Variants in C1orf21 observed in about 807,000 individuals in gnomAD.
The protein encoded by C1orf21 is uncharacterized protein C1orf21.
C1orf21 carries 3 observed loss-of-function variants against 18.7 expected under a neutral mutation model. That is an observed-to-expected ratio of 0.16 (90% CI 0.07 to 0.42). The LOEUF (loss-of-function observed/expected upper bound fraction) is 0.42. C1orf21 is among the 10% of genes least tolerant of loss of function. The pLI, the probability that C1orf21 is intolerant of heterozygous loss-of-function variation, is 0.99. For missense variants in C1orf21, 104 were observed against 143.6 expected (o/e 0.72, Z 1.41); for synonymous variants, 41 against 46.4 (o/e 0.88, Z 0.47).
At chr1:184,436,696 C>G (rs150938907) in intron 1 of C1orf21, among the ~76,000 whole-genome samples, 1 of 152,274 alleles carries the variant, frequency 6.6e-6, no homozygotes, top group Non-Finnish European at 1.5e-5. Flanking sequence ...TTTCTCTTGT[C>G]CCTTTAGCTT....
intron 3 of C1orf21, among the ~76,000 whole-genome samples, chr1:184,570,221 A>G (rs940865670): frequency 5.3e-5 from 8 of 152,178 alleles, no homozygotes; most frequent in African/African-American, 1.9e-4. Flanking sequence ...ATGGGATCCT[A>G]GAAGCTGCAG....
At chr1:184,447,477 G>A (rs1303034389) in intron 1 of C1orf21, among the ~76,000 whole-genome samples, 5 of 152,118 alleles carry the variant, frequency 3.3e-5, no homozygotes, top group Non-Finnish European at 7.4e-5. Context: ...CTGTGCTTCA[G>A]CCCTATTCAT....
At chr1:184,430,095 G>A (rs1170102329) in intron 1 of C1orf21, among the ~76,000 whole-genome samples, 3 of 139,260 alleles carry the variant, frequency 2.2e-5, no homozygotes, top group Non-Finnish European at 4.5e-5. Context: ...CTGGGCGACA[G>A]AGCGAGACTC....
At chr1:184,426,525 CTGAA>C (rs1380794595) in intron 1 of C1orf21, among the ~76,000 whole-genome samples, 2 of 152,158 alleles carry the variant, frequency 1.3e-5, no homozygotes, top group Non-Finnish European at 1.5e-5. Flanking sequence ...TTTCAGTTCT[CTGAA>C]TGCCTGCATC....
At chr1:184,492,765 A>G (rs925189844) in intron 2 of C1orf21, among the ~76,000 whole-genome samples, 20 of 152,164 alleles carry the variant, frequency 1.3e-4, no homozygotes, top group Non-Finnish European at 2.4e-4. Context: ...GAAGGATTCC[A>G]TTTGTTGGCT....
intron 5 of C1orf21, among the ~76,000 whole-genome samples, chr1:184,614,846 G>A (rs1404001440): frequency 1.3e-5 from 2 of 152,120 alleles, no homozygotes; most frequent in East Asian, 1.9e-4. Flanking sequence ...TGATGCTGCC[G>A]CTGATCTGAC....
intron 1 of C1orf21, among the ~76,000 whole-genome samples, chr1:184,443,656 G>C (rs1656986098): frequency 1.3e-5 from 2 of 152,168 alleles, no homozygotes; most frequent in Admixed American, 6.5e-5. Flanking sequence ...CACTGTTGGT[G>C]ATTTATTTCT....
At chr1:184,426,155 T>C (rs971464794) in intron 1 of C1orf21, among the ~76,000 whole-genome samples, 3 of 152,230 alleles carry the variant, frequency 2.0e-5, no homozygotes, top group Non-Finnish European at 4.4e-5. Flanking sequence ...TATTACCCAA[T>C]CATAAATTAT....
intron 3 of C1orf21, among the ~76,000 whole-genome samples, chr1:184,559,253 G>A (rs1490244764): frequency 2.6e-5 from 4 of 152,128 alleles, no homozygotes; most frequent in South Asian, 4.2e-4. Flanking sequence ...TCACTTAAAA[G>A]TGTGTGGCAC....
intron 1 of C1orf21, among the ~76,000 whole-genome samples, chr1:184,456,845 T>C (rs766889773): frequency 2.0e-5 from 3 of 152,364 alleles, no homozygotes; most frequent in East Asian, 3.9e-4. Context: ...AATCACTTCA[T>C]TGAAGACAAA....
At chr1:184,450,871 T>C (rs2101979425) in intron 1 of C1orf21, among the ~76,000 whole-genome samples, 1 of 152,158 alleles carries the variant, frequency 6.6e-6, no homozygotes, top group East Asian at 1.9e-4. Flanking sequence ...ATTGTGTGTT[T>C]TTGTTTGTTT....
intron 3 of C1orf21, among the ~76,000 whole-genome samples, chr1:184,517,898 T>A (rs940842373): frequency 6.6e-6 from 1 of 152,194 alleles, no homozygotes; most frequent in Non-Finnish European, 1.5e-5. Flanking sequence ...TATGTGATGG[T>A]GACATCAGCC....
intron 2 of C1orf21, among the ~76,000 whole-genome samples, chr1:184,482,150 G>A (rs1657667953): frequency 6.6e-6 from 1 of 152,146 alleles, no homozygotes; most frequent in Non-Finnish European, 1.5e-5. Flanking sequence ...GATGGCTGGA[G>A]TTCATCTGTT....
At chr1:184,410,810 C>T (rs1218520460) in intron 1 of C1orf21, among the ~76,000 whole-genome samples, 1 of 146,516 alleles carries the variant, frequency 6.8e-6, no homozygotes, top group Non-Finnish European at 1.5e-5. Context: ...CGCCTCCATG[C>T]CAGGCTAATT....
chr1:184,501,252 A>G (rs557139457), intron 2 of C1orf21, among the ~76,000 whole-genome samples: 1 of 152,234 alleles, frequency 6.6e-6, no homozygotes, highest in Admixed American at 6.5e-5. Context: ...CTGTAGCCCT[A>G]TCAGCCTTTT....
intron 1 of C1orf21, among the ~76,000 whole-genome samples, chr1:184,411,441 A>C (rs1571345688): frequency 1.5e-5 from 1 of 66,658 alleles, no homozygotes; most frequent in Non-Finnish European, 2.7e-5. Flanking sequence ...TTTTTTTTTG[A>C]GACGGAGTCT....
chr1:184,436,717 G>A (rs1043404528), intron 1 of C1orf21, among the ~76,000 whole-genome samples: 2 of 151,702 alleles, frequency 1.3e-5, no homozygotes, highest in Non-Finnish European at 2.9e-5. Flanking sequence ...TCCCTTTTTC[G>A]ATAAACGTCT....
chr1:184,505,336 T>TAC (rs1658042275), intron 2 of C1orf21, among the ~76,000 whole-genome samples: 3 of 135,640 alleles, frequency 2.2e-5, no homozygotes, highest in Non-Finnish European at 4.6e-5. Context: ...TATATATATA[T>TAC]ATATACACAC....
chr1:184,469,327 CGTGT>C, intron 1 of C1orf21, among the ~76,000 whole-genome samples: 1 of 152,232 alleles, frequency 6.6e-6, no homozygotes, highest in Middle Eastern at 3.4e-3. Context: ...CATGATCTTT[CGTGT>C]GTTTATTGTA....
Sources: gnomAD v4.1 joint callset for allele counts (sites outside exome capture counted in the v4.1 genomes callset) on GRCh38, gnomAD v4.1.1 for gene constraint, MANE v1.5 for transcripts, NCBI Gene and HGNC (gene_info 2026-07-23, HGNC 2026-07-21) for gene names.